The following KCNN3 variants were observed in gnomAD, a reference collection of about 807,000 sequenced individuals.
KCNN3 encodes the protein potassium calcium-activated channel subfamily N member 3.
In KCNN3, 16 loss-of-function variants were observed where a neutral mutation model predicts 62.9. The observed-to-expected ratio is 0.25, with a 90% CI of 0.17 to 0.39. KCNN3 has a LOEUF of 0.39. Among genes scored for constraint, KCNN3 ranks in the 10% least tolerant of loss-of-function variants. The pLI, the probability that KCNN3 is intolerant of heterozygous loss-of-function variation, is 1.00. For missense variants in KCNN3, 599 were observed against 949.4 expected (o/e 0.63, Z 4.85); for synonymous variants, 370 against 389.2 (o/e 0.95, Z 0.58).
chr1:154,827,998 G>A (rs116306825), intron 1 of KCNN3, among the ~76,000 whole-genome samples: 81 of 152,146 alleles, frequency 5.3e-4, no homozygotes, highest in African/African-American at 1.8e-3. Context: ...ACCTGAGACC[G>A]GGAGAGACAG....
Position 154,854,149 on chromosome 1 carries a change from A to G in KCNN3, c.933+14883T>C, listed in dbSNP as rs569940082. 2.1e-4 allele frequency among the ~76,000 whole-genome samples: 32 copies of G among 151,554 alleles called. No individual in the cohort carries two copies. In the East Asian group the frequency reaches 5.6e-3, roughly 27 times the overall value. The stretch of plus-strand genomic sequence containing the variant: ...ACTCGGGAGGCTGAGGCAGGAGGAT[A>G]GCGTGAACCCGGGAGGCGGAGCTTG... On this transcript the variant is annotated intron_variant, in intron 1 of 7. Transcript: ENST00000271915.
At chr1:154,868,451 G>C in intron 1 of KCNN3, 2 of 625,376 alleles carry the variant, frequency 3.2e-6, no homozygotes, top group Non-Finnish European at 4.0e-6. Flanking sequence ...AGAAACTTGG[G>C]AAGAGATGGA....
intron 1 of KCNN3, among the ~76,000 whole-genome samples, chr1:154,836,662 T>C (rs1282737039): frequency 6.6e-6 from 1 of 152,234 alleles, no homozygotes; most frequent in African/African-American, 2.4e-5. Context: ...TGTCTCACTC[T>C]CCTCACCCAC....
chr1:154,714,450 T>TGG (rs1224867818), intron 6 of KCNN3, among the ~76,000 whole-genome samples: 1 of 112,596 alleles, frequency 8.9e-6, no homozygotes, highest in Non-Finnish European at 1.9e-5. Flanking sequence ...GGTGTGTGTG[T>TGG]GGTGTTTGTG....
At chr1:154,821,092 C>T (rs1222859991) in intron 2 of KCNN3, among the ~76,000 whole-genome samples, 1 of 152,202 alleles carries the variant, frequency 6.6e-6, no homozygotes, top group East Asian at 1.9e-4. Context: ...GAATAAAGGC[C>T]CCATGTTCTA....
In KCNN3 at chr1:154,725,996, C is replaced by T. The variant is rs1326148732; in HGVS notation, c.1621G>A (p.Val541Met). 5 of 1,613,928 alleles carry T rather than the reference C, an allele frequency of 3.1e-6. No homozygotes were observed. The highest frequency in any genetic ancestry group is 1.7e-5 in the Admixed American group (1 of 59,996). The change falls in exon 5 of 8, where the codon GTG becomes ATG. Residue 541 changes from valine to methionine, a missense_variant. Physicochemically the swap from Val to Met is conservative, Grantham distance 21. Coordinates refer to ENST00000271915, the MANE Select transcript of KCNN3 (RefSeq NM_002249.6). ...GTGAGTTCCAGCTTTCGGGCCACCA[C>T]GGCCACCACAAGGGCAGTGCAGCCT... is the stretch of plus-strand genomic sequence containing the variant. ...GAGCTALVVAVVARKLELTKA... is the reference protein window; with the variant it reads ...GAGCTALVVAMVARKLELTKA...
chr1:154,833,628 A>G (rs1235948144), intron 1 of KCNN3, among the ~76,000 whole-genome samples: 3 of 152,236 alleles, frequency 2.0e-5, no homozygotes, highest in Admixed American at 2.0e-4. Context: ...ACCCAAGGCC[A>G]CACACCAGTA....
chr1:154,738,821 A>G (rs11810841), intron 3 of KCNN3, among the ~76,000 whole-genome samples: 41,562 of 152,226 alleles, frequency 0.27, 6,002 homozygotes, highest in Non-Finnish European at 0.32. Flanking sequence ...GGAAAAATGA[A>G]AAGTTCTGCA....
rs77707490 is a variant in KCNN3 at position 154,844,177 on chromosome 1, T to C, written c.934-21993A>G. On this transcript the variant is annotated intron_variant, in intron 1 of 7. Transcript: ENST00000271915. The stretch of plus-strand genomic sequence containing the variant: ...CCCTCCCCAACCCTCCTCCAGCCCC[T>C]CCATTATGCAAATCAAGTGACTACA... 1.7e-3 allele frequency among the ~76,000 whole-genome samples: 254 copies of C among 152,286 alleles called. 2 individuals carry two copies. In the East Asian group the frequency reaches 0.035, roughly 21 times the overall value.
At chr1:154,731,974 AC>A (rs1700604158) in intron 4 of KCNN3, among the ~76,000 whole-genome samples, 1 of 152,192 alleles carries the variant, frequency 6.6e-6, no homozygotes, top group Non-Finnish European at 1.5e-5. Flanking sequence ...CCTGTCCTGG[AC>A]CCAAAGTGCA....
At chr1:154,755,627 GAAAGAAAGA>G (rs1337315667) in intron 3 of KCNN3, among the ~76,000 whole-genome samples, 1 of 132,800 alleles carries the variant, frequency 7.5e-6, no homozygotes, top group Admixed American at 7.9e-5. Context: ...GGGAAGGAAG[GAAAGAAAGA>G]AAAGAAAGAA....
At chr1:154,861,129 AT>A (rs986281377) in intron 1 of KCNN3, among the ~76,000 whole-genome samples, 1 of 151,706 alleles carries the variant, frequency 6.6e-6, no homozygotes, top group African/African-American at 2.4e-5. Context: ...TAATTTTCTT[AT>A]TTTTAGTAGA....
At chr1:154,742,492 G>T (rs1048415099) in intron 3 of KCNN3, among the ~76,000 whole-genome samples, 1 of 152,178 alleles carries the variant, frequency 6.6e-6, no homozygotes, top group East Asian at 1.9e-4. Context: ...GTTACTGTGA[G>T]GGTTAAAGGA....
intron 1 of KCNN3, among the ~76,000 whole-genome samples, chr1:154,853,366 C>T (rs570507472): frequency 3.3e-5 from 5 of 151,534 alleles, no homozygotes; most frequent in Non-Finnish European, 7.4e-5. Flanking sequence ...GACCAGGTCT[C>T]ACTCTATTCC....
chr1:154,748,145 G>C (rs1303757152), intron 3 of KCNN3, among the ~76,000 whole-genome samples: 1 of 152,152 alleles, frequency 6.6e-6, no homozygotes, highest in South Asian at 2.1e-4. Flanking sequence ...GGAAAGTGAC[G>C]TTTAAACCTG....
intron 1 of KCNN3, among the ~76,000 whole-genome samples, chr1:154,860,399 G>A (rs972509777): frequency 7.2e-5 from 11 of 152,158 alleles, no homozygotes; most frequent in East Asian, 3.9e-4. Context: ...CTGGCCCCAC[G>A]GGTTTATTTT....
At position 154,707,910 on chromosome 1, in the gene KCNN3, G is replaced by A. The variant is rs1047136887; in HGVS notation, c.*66C>T. On this transcript the variant is annotated 3_prime_UTR_variant, in exon 8 of 8. Transcript: ENST00000271915. ...TCTGAATGTTTCTTGATGGCAAAGC[G>A]ACCAGGAGAGAGTTGATTTGCATCT... is the stretch of plus-strand genomic sequence containing the variant. The A allele has an allele frequency of 2.4e-5, 36 of 1,520,034 alleles. No homozygotes were observed. Among genetic ancestry groups the A allele is most frequent in the Admixed American group, 1.9e-5 (1 of 52,790 alleles). 94.2% of individuals were successfully genotyped at this position (1,520,034 alleles called of 1,614,324 possible).
chr1:154,701,154 G>A lies in KCNN3; in HGVS notation c.*6822C>T, dbSNP rs1439818533. 2 of 152,172 alleles carry A rather than the reference G, an allele frequency of 1.3e-5. No individual in the cohort carries two copies. Among genetic ancestry groups the A allele is most frequent in the Non-Finnish European group, 2.9e-5 (2 of 68,034 alleles). The allele number at this position is 152,172 out of a possible 1,614,324, so 9.4% of individuals were successfully genotyped here. ...AACAGCATGAATACCTAATGTCAGT[G>A]AGCCCCATGACTTATATACCTTTAA... On this transcript the variant is annotated 3_prime_UTR_variant, in exon 8 of 8. Coordinates refer to ENST00000271915, the MANE Select transcript of KCNN3 (RefSeq NM_002249.6).
At chr1:154,847,954 G>A (rs113047457) in intron 1 of KCNN3, among the ~76,000 whole-genome samples, 27 of 152,304 alleles carry the variant, frequency 1.8e-4, no homozygotes, top group African/African-American at 2.6e-4. Context: ...ACACGAACCC[G>A]AGAGTAGCCG....
Sources: allele counts gnomAD v4.1 joint callset (sites outside exome capture counted in the v4.1 genomes callset), GRCh38; gene constraint gnomAD v4.1.1; transcripts MANE v1.5; gene names NCBI Gene and HGNC (gene_info 2026-07-23, HGNC 2026-07-21).